The following HECA variants were observed in gnomAD, a reference collection of about 807,000 sequenced individuals.
The protein encoded by HECA is headcase protein homolog.
In HECA, 13 loss-of-function variants were observed where a neutral mutation model predicts 37.6. The observed-to-expected ratio is 0.35, with a 90% CI of 0.23 to 0.55. The LOEUF (loss-of-function observed/expected upper bound fraction) is 0.55. HECA is among the 20% of genes least tolerant of loss of function. The probability of loss-of-function intolerance (pLI) is 0.90; values close to 1 mark genes in which losing one functional copy is unlikely to be tolerated. For missense variants in HECA, 527 were observed against 701.9 expected, an observed-to-expected ratio of 0.75 and a Z score of 2.82; for synonymous variants, 307 against 291.5, an observed-to-expected ratio of 1.05 and a Z score of -0.54.
At chr6:139,156,837 C>T (rs977639067) in intron 1 of HECA, among the ~76,000 whole-genome samples, 42 of 152,302 alleles carry the variant, frequency 2.8e-4, no homozygotes, top group South Asian at 1.2e-3. Flanking sequence ...AGTCATGCTT[C>T]ATGAATCTCT....
At chr6:139,156,461 T>TGGC (rs1044358742) in intron 1 of HECA, among the ~76,000 whole-genome samples, 2 of 152,210 alleles carry the variant, frequency 1.3e-5, no homozygotes, top group African/African-American at 4.8e-5. Flanking sequence ...CTTCCTGCCT[T>TGGC]GGCCTCTTAA....
intron 1 of HECA, among the ~76,000 whole-genome samples, chr6:139,154,637 T>A (rs1355835833): frequency 6.6e-6 from 1 of 152,222 alleles, no homozygotes; most frequent in Non-Finnish European, 1.5e-5. Context: ...AAGTCATTAG[T>A]CTTTTCAGCA....
At chr6:139,148,630 G>A (rs945706838) in intron 1 of HECA, among the ~76,000 whole-genome samples, 2 of 152,156 alleles carry the variant, frequency 1.3e-5, no homozygotes, top group African/African-American at 4.8e-5. Flanking sequence ...GCTGGGCATG[G>A]TGGCGCATGC....
intron 1 of HECA, among the ~76,000 whole-genome samples, chr6:139,154,600 C>T (rs1774690978): frequency 6.6e-6 from 1 of 152,214 alleles, no homozygotes; most frequent in Non-Finnish European, 1.5e-5. Context: ...TTATGCTTTA[C>T]CTGTTGGGCA....
intron 1 of HECA, among the ~76,000 whole-genome samples, chr6:139,157,061 G>T (rs948785125): frequency 1.3e-5 from 2 of 152,218 alleles, no homozygotes; most frequent in African/African-American, 4.8e-5. Flanking sequence ...AGGGCTGCTG[G>T]TTGCCCACTT....
chr6:139,136,285 AAG>A (rs1554216531), intron 1 of HECA, among the ~76,000 whole-genome samples: 5 of 150,888 alleles, frequency 3.3e-5, no homozygotes, highest in Non-Finnish European at 7.4e-5. Context: ...AAAAAAAAAA[AAG>A]AAAAGAAAGA....
At chr6:139,135,950 C>T (rs1400410355) in intron 1 of HECA, among the ~76,000 whole-genome samples, 3 of 151,874 alleles carry the variant, frequency 2.0e-5, no homozygotes, top group Non-Finnish European at 4.4e-5. Flanking sequence ...GCCTGCTGCC[C>T]GCGCTGGCAC....
chr6:139,176,840 G>C lies in HECA; in HGVS notation c.1468-101G>C. 2 of 714,222 alleles carry C rather than the reference G, an allele frequency of 2.8e-6. No homozygotes were observed. Among genetic ancestry groups the C allele is most frequent in the East Asian group, 5.4e-5 (2 of 36,936 alleles). 44.2% of individuals were successfully genotyped at this position (714,222 alleles called of 1,614,324 possible). ...TTTTTGGTAGTAAAAGGGATGCTTT[G>C]CAAAGCCCTTGATCAGTTTCCCAGC... On this transcript the variant is annotated intron_variant, in intron 3 of 3. Transcript: ENST00000367658. This position sits in a 1 kb window ranked among gnomAD's most constrained non-coding sequence, Gnocchi z 4.5.
In HECA at chr6:139,164,269, A is replaced by G. The variant is rs530860842; in HGVS notation, c.272-2015A>G. ...AGTCTGCCTTTAGCTTCTGTCATCT[A>G]TACACATAATCTAAACTGCTTCATG... On this transcript the variant is annotated intron_variant, in intron 1 of 3. Coordinates refer to ENST00000367658, the MANE Select transcript of HECA (RefSeq NM_016217.3). 3.3e-3 allele frequency among the ~76,000 whole-genome samples: 500 copies of G among 152,170 alleles called. 1 individual carries two copies. The highest frequency in any genetic ancestry group is 5.3e-3 in the Non-Finnish European group (361 of 68,008).
At chr6:139,168,425 GT>G (rs11428839) in intron 2 of HECA, among the ~76,000 whole-genome samples, 20,516 of 138,088 alleles carry the variant, frequency 0.15, 1,535 homozygotes, top group East Asian at 0.2. Flanking sequence ...GATTTGCATA[GT>G]TTTTTTTTTT....
At position 139,171,840 on chromosome 6, in the gene HECA, T is replaced by G. The variant is rs570039005; in HGVS notation, c.1313-2545T>G. On this transcript the variant is annotated intron_variant, in intron 2 of 3. Coordinates refer to ENST00000367658, the MANE Select transcript of HECA (RefSeq NM_016217.3). ...GTTGTTGTTGTTTGTTGTTGTGTTT[T>G]TTTTTTTTGTGACGGGGTTTCACTT... Among the ~76,000 whole-genome samples, 20 of 151,992 alleles carry G rather than the reference T, an allele frequency of 1.3e-4. No individual in the cohort carries two copies. In the East Asian group the frequency reaches 2.1e-3, roughly 16 times the overall value.
At chr6:139,160,523 T>G (rs982223742) in intron 1 of HECA, among the ~76,000 whole-genome samples, 4 of 152,196 alleles carry the variant, frequency 2.6e-5, no homozygotes, top group African/African-American at 9.6e-5. Context: ...ACTTGATCCT[T>G]CCACCTCAGC....
intron 1 of HECA, among the ~76,000 whole-genome samples, chr6:139,148,487 G>C (rs1359097255): frequency 6.6e-6 from 1 of 152,206 alleles, no homozygotes; most frequent in Non-Finnish European, 1.5e-5. Flanking sequence ...CAACCCGCCA[G>C]GTGTGGTGGC....
intron 1 of HECA, among the ~76,000 whole-genome samples, chr6:139,142,942 G>C (rs141844341): frequency 2.0e-5 from 3 of 152,150 alleles, no homozygotes; most frequent in African/African-American, 7.2e-5. Flanking sequence ...ATGAGACTCC[G>C]TCTCAAAAAC....
intron 2 of HECA, among the ~76,000 whole-genome samples, chr6:139,169,162 G>A (rs1050858735): frequency 1.3e-5 from 2 of 151,888 alleles, no homozygotes; most frequent in Non-Finnish European, 2.9e-5. Context: ...GACAATTTCC[G>A]CTACCCTATT....
intron 1 of HECA, among the ~76,000 whole-genome samples, chr6:139,156,543 T>C (rs1224334805): frequency 1.3e-5 from 2 of 152,206 alleles, no homozygotes; most frequent in African/African-American, 4.8e-5. Flanking sequence ...AGTGTGCTAA[T>C]ACTGGTGCTG....
At chr6:139,139,743 T>TC (rs1774491531) in intron 1 of HECA, among the ~76,000 whole-genome samples, 1 of 152,042 alleles carries the variant, frequency 6.6e-6, no homozygotes, top group Non-Finnish European at 1.5e-5. Flanking sequence ...GGACTTGGGC[T>TC]CCCCCCAGGA....
At chr6:139,160,710 G>A (rs1774787059) in intron 1 of HECA, among the ~76,000 whole-genome samples, 1 of 152,116 alleles carries the variant, frequency 6.6e-6, no homozygotes, top group Non-Finnish European at 1.5e-5. Context: ...CACTGTGCCT[G>A]GCCATACTTA....
At chr6:139,139,975 A>G (rs373133701) in intron 1 of HECA, among the ~76,000 whole-genome samples, 4 of 152,238 alleles carry the variant, frequency 2.6e-5, no homozygotes, top group African/African-American at 9.6e-5. Flanking sequence ...GAGACTGGGA[A>G]TTAACCACCA....
Sources: allele counts gnomAD v4.1 joint callset (sites outside exome capture counted in the v4.1 genomes callset), GRCh38; gene constraint gnomAD v4.1.1; non-coding constraint Gnocchi (gnomAD v3.1); transcripts MANE v1.5; gene names NCBI Gene and HGNC (gene_info 2026-07-23, HGNC 2026-07-21).